Variants in USP3 observed in about 807,000 individuals in gnomAD.
USP3 encodes ubiquitin carboxyl-terminal hydrolase 3.
In USP3, 20 loss-of-function variants were observed where a neutral mutation model predicts 72.3. The observed-to-expected ratio is 0.28, with a 90% CI of 0.19 to 0.40. The LOEUF is 0.40. Among genes scored for constraint, USP3 ranks in the 10% least tolerant of loss-of-function variants. The pLI, the probability that USP3 is intolerant of heterozygous loss-of-function variation, is 1.00. For missense variants in USP3, 479 were observed against 633.9 expected, an observed-to-expected ratio of 0.76 and a Z score of 2.62; for synonymous variants, 222 against 225.3, an observed-to-expected ratio of 0.99 and a Z score of 0.13.
At chr15:63,536,059 T>C (rs72750943) in intron 2 of USP3, among the ~76,000 whole-genome samples, 3,588 of 151,948 alleles carry the variant, frequency 0.024, 51 homozygotes, top group Non-Finnish European at 0.038. Flanking sequence ...CATGTGCATA[T>C]GGAGCCTTAT....
intron 8 of USP3, among the ~76,000 whole-genome samples, chr15:63,567,819 T>G (rs1466824792): frequency 1.3e-5 from 2 of 152,162 alleles, no homozygotes. Flanking sequence ...GTCTTTAAGA[T>G]TTGGGGAAAT....
At chr15:63,589,967 GAAACT>G (rs2067158940) in intron 14 of USP3, among the ~76,000 whole-genome samples, 1 of 121,290 alleles carries the variant, frequency 8.2e-6, no homozygotes, top group Non-Finnish European at 2.0e-5. Context: ...CTATCTTTTT[GAAACT>G]ATTAGCACTA....
At chr15:63,558,271 C>T in intron 6 of USP3, 83 bp downstream of exon 6, 1 of 1,455,660 alleles carries the variant, frequency 6.9e-7, no homozygotes, top group Non-Finnish European at 9.6e-7. Flanking sequence ...CTGCCACTAA[C>T]TCTAGTCATA....
intron 1 of USP3, among the ~76,000 whole-genome samples, chr15:63,527,468 T>C (rs993719731): frequency 1.3e-5 from 2 of 152,220 alleles, no homozygotes; most frequent in Admixed American, 6.5e-5. Flanking sequence ...CTATTCTGTG[T>C]AGAGACAGTG....
At position 63,504,800 on chromosome 15, in the gene USP3, A is replaced by T. The variant is rs2065685291; in HGVS notation, c.61A>T (p.Asn21Tyr). Residue 21 changes from asparagine (N) to tyrosine (Y), a missense_variant, in exon 1 of 15, where the codon AAC (asparagine) becomes TAC (tyrosine). Physicochemically the swap from Asn to Tyr is moderately radical, Grantham distance 143. Transcript: ENST00000380324. ...TGCTCCGGACTCAGCCAAGTTCCCC[A>T]ACGGCTCCCCGTCGTCCTGGTGCTG... ...CIAPDSAKFP[N>Y]GSPSSWCCSV... The T allele has an allele frequency of 6.2e-7, 1 of 1,610,388 alleles. No homozygotes were observed. Among genetic ancestry groups the T allele is most frequent in the Non-Finnish European group, 8.5e-7 (1 of 1,178,640 alleles).
chr15:63,565,401 T>G (rs1185572303), intron 8 of USP3, among the ~76,000 whole-genome samples: 2 of 152,236 alleles, frequency 1.3e-5, no homozygotes, highest in Admixed American at 1.3e-4. Flanking sequence ...TTCTTATGAT[T>G]TCTTAGTATG....
chr15:63,533,497 T>A (rs1211682627), intron 2 of USP3, among the ~76,000 whole-genome samples: 3 of 152,202 alleles, frequency 2.0e-5, no homozygotes, highest in Non-Finnish European at 2.9e-5. Flanking sequence ...TTTCCACTGC[T>A]CTTCTAGCTT....
intron 8 of USP3, among the ~76,000 whole-genome samples, chr15:63,564,157 T>C (rs2066650476): frequency 6.6e-6 from 1 of 152,210 alleles, no homozygotes; most frequent in South Asian, 2.1e-4. Flanking sequence ...TGTGTTTTAT[T>C]ATTATATAAT....
At chr15:63,582,914 A>G (rs988333115) in intron 11 of USP3, among the ~76,000 whole-genome samples, 2 of 152,212 alleles carry the variant, frequency 1.3e-5, no homozygotes, top group Non-Finnish European at 2.9e-5. Context: ...CAGATGAGTT[A>G]CTGTGAAATG....
At chr15:63,577,665 T>C (rs901264924) in intron 11 of USP3, among the ~76,000 whole-genome samples, 78 of 152,126 alleles carry the variant, frequency 5.1e-4, no homozygotes, top group Non-Finnish European at 2.5e-4. Context: ...CCCAGGAGAA[T>C]AGCTTGAACC....
chr15:63,564,321 C>T (rs571998112), intron 8 of USP3, among the ~76,000 whole-genome samples: 2 of 151,918 alleles, frequency 1.3e-5, no homozygotes, highest in Non-Finnish European at 2.9e-5. Flanking sequence ...AGAGGAGAAG[C>T]GACTTGTTTA....
rs116484228 is a variant in USP3 at position 63,591,728 on chromosome 15, G to A, written c.*902G>A. On this transcript the variant is annotated 3_prime_UTR_variant, in exon 15 of 15. Transcript: ENST00000380324. ...GCTTGTGTTTGGCATCTGAGTCTGA[G>A]GTGTGACCCTCTGGGATTTACTTGG... is the stretch of plus-strand genomic sequence containing the variant. 1.5e-3 allele frequency: 232 copies of A among 152,268 alleles called. No individual in the cohort carries two copies. Among genetic ancestry groups the A allele is most frequent in the African/African-American group, 5.2e-3 (214 of 41,540 alleles). 9.4% of individuals were successfully genotyped at this position (152,268 alleles called of 1,614,324 possible). A position where few individuals can be genotyped will look rare whatever the true frequency, so the allele number is the denominator to read the frequency against.
chr15:63,540,270 T>C (rs1409837400), intron 3 of USP3, among the ~76,000 whole-genome samples: 1 of 152,208 alleles, frequency 6.6e-6, no homozygotes, highest in Non-Finnish European at 1.5e-5. Flanking sequence ...CACTGAACTC[T>C]TCTCTTTCCC....
chr15:63,562,853 C>G, intron 7 of USP3, 42 bp from the exon 8 acceptor site: 1 of 1,321,644 alleles, frequency 7.6e-7, no homozygotes, highest in Non-Finnish European at 1.1e-6. Flanking sequence ...GAAATTGTAG[C>G]CTCTCACTAA....
intron 1 of USP3, among the ~76,000 whole-genome samples, chr15:63,519,979 C>A (rs553741939): frequency 1.3e-5 from 2 of 152,182 alleles, no homozygotes; most frequent in Admixed American, 1.3e-4. Context: ...ATTCTTTGAG[C>A]CCTTTTTACT....
At chr15:63,519,767 G>A (rs562487036) in intron 1 of USP3, among the ~76,000 whole-genome samples, 10 of 152,210 alleles carry the variant, frequency 6.6e-5, no homozygotes, top group South Asian at 4.1e-4. Context: ...TTTCTGACTC[G>A]TAATTCTTTT....
At chr15:63,556,537 T>C (rs1307022301) in intron 4 of USP3, 130 bp from the exon 5 acceptor site, 6 of 581,536 alleles carry the variant, frequency 1.0e-5, no homozygotes, top group Non-Finnish European at 1.8e-5. Flanking sequence ...TGGGCCCCAG[T>C]AGGCCTGACG....
At chr15:63,562,319 G>A (rs2066620936) in intron 7 of USP3, among the ~76,000 whole-genome samples, 1 of 152,194 alleles carries the variant, frequency 6.6e-6, no homozygotes, top group Admixed American at 6.5e-5. Flanking sequence ...AGTAGATGCT[G>A]GAGCCGGTCA....
At chr15:63,546,071 C>G (rs1595733492) in intron 3 of USP3, among the ~76,000 whole-genome samples, 1 of 150,178 alleles carries the variant, frequency 6.7e-6, no homozygotes, top group East Asian at 1.9e-4. Flanking sequence ...AATTTTATAG[C>G]CTAAAACTTG....
Sources: gnomAD v4.1 joint callset for allele counts (sites outside exome capture counted in the v4.1 genomes callset) on GRCh38, gnomAD v4.1.1 for gene constraint, MANE v1.5 for transcripts, NCBI Gene and HGNC (gene_info 2026-07-23, HGNC 2026-07-21) for gene names.